The following WDPCP variants were observed in gnomAD, a reference collection of about 807,000 sequenced individuals.
WDPCP encodes the protein WD repeat-containing and planar cell polarity effector protein fritz homolog.
Under a neutral mutation model 93.1 loss-of-function variants are expected in WDPCP, and 71 were observed. The ratio of observed to expected loss-of-function variants is 0.76; its 90% confidence interval spans 0.63 to 0.93. The LOEUF is 0.93. Among genes scored for constraint, WDPCP ranks in the 40% least tolerant of loss-of-function variants. The probability of loss-of-function intolerance (pLI) is 0.00; values close to 1 mark genes in which losing one functional copy is unlikely to be tolerated. For synonymous variants in WDPCP, 315 were observed against 315.0 expected, an observed-to-expected ratio of 1.00 and a Z score of 0.00; for missense variants, 844 against 887.4, an observed-to-expected ratio of 0.95 and a Z score of 0.62.
chr2:63,313,344 T>A, intron 12 of WDPCP, 33 bp from the exon 13 acceptor site: 1 of 1,585,770 alleles, frequency 6.3e-7, no homozygotes, highest in Non-Finnish European at 8.6e-7. Flanking sequence ...ATGTTAGTTG[T>A]GAACAAGAAT....
intron 2 of WDPCP, among the ~76,000 whole-genome samples, chr2:63,694,899 G>A (rs1211282872): frequency 6.6e-6 from 1 of 152,122 alleles, no homozygotes; most frequent in East Asian, 1.9e-4. Flanking sequence ...AGACTGAGAA[G>A]GGTTCAACTT....
intron 3 of WDPCP, among the ~76,000 whole-genome samples, chr2:63,644,803 C>T (rs1426520022): frequency 4.6e-5 from 7 of 152,092 alleles, no homozygotes; most frequent in Non-Finnish European, 8.8e-5. Context: ...CATATAGTTG[C>T]TCATATAGCT....
intron 15 of WDPCP, among the ~76,000 whole-genome samples, chr2:63,156,403 A>G (rs543571919): frequency 3.3e-5 from 5 of 152,188 alleles, no homozygotes; most frequent in Non-Finnish European, 5.9e-5. Flanking sequence ...GTAATTTAAA[A>G]AGCTTTTTTG....
At chr2:63,809,309 A>C (rs1322849158) in intron 2 of WDPCP, among the ~76,000 whole-genome samples, 1 of 136,580 alleles carries the variant, frequency 7.3e-6, no homozygotes, top group Admixed American at 7.2e-5. Flanking sequence ...CCCCCCGCCC[A>C]GCCAGCCGCC....
chr2:63,771,156 A>G (rs1670220300), intron 2 of WDPCP, among the ~76,000 whole-genome samples: 1 of 151,696 alleles, frequency 6.6e-6, no homozygotes, highest in African/African-American at 2.4e-5. Flanking sequence ...ATCAGTGGTG[A>G]TGGTGATCAA....
At chr2:63,497,885 A>C (rs1399386514) in intron 1 of WDPCP, among the ~76,000 whole-genome samples, 1 of 152,134 alleles carries the variant, frequency 6.6e-6, no homozygotes, top group Non-Finnish European at 1.5e-5. Context: ...GCATTTTCAG[A>C]AGGGGGTGCG....
chr2:63,170,012 TCTCCCA>T (rs1324169945), intron 15 of WDPCP, among the ~76,000 whole-genome samples: 7 of 151,204 alleles, frequency 4.6e-5, no homozygotes, highest in Non-Finnish European at 7.4e-5. Context: ...CCTACCTCAG[TCTCCCA>T]AGTAGCTGGG....
At chr2:63,638,529 G>A (rs1199404329) in intron 3 of WDPCP, among the ~76,000 whole-genome samples, 1 of 152,142 alleles carries the variant, frequency 6.6e-6, no homozygotes, top group Non-Finnish European at 1.5e-5. Context: ...GTGACTCTCA[G>A]TTGTAATCCC....
chr2:63,571,992 C>T (rs1707541282), intron 1 of WDPCP, among the ~76,000 whole-genome samples: 1 of 152,088 alleles, frequency 6.6e-6, no homozygotes, highest in Non-Finnish European at 1.5e-5. Flanking sequence ...ACAACAGAAA[C>T]CAACTCCAGT....
At chr2:63,368,131 T>C (rs900119823) in intron 12 of WDPCP, among the ~76,000 whole-genome samples, 17 of 152,140 alleles carry the variant, frequency 1.1e-4, no homozygotes, top group Middle Eastern at 3.4e-3. Flanking sequence ...TACACATGCA[T>C]ATCTGTGGGG....
intron 12 of WDPCP, among the ~76,000 whole-genome samples, chr2:63,368,395 G>T (rs899984256): frequency 6.6e-6 from 1 of 150,940 alleles, no homozygotes; most frequent in African/African-American, 2.4e-5. Context: ...GCACAATATC[G>T]GCTCACTGCA....
intron 12 of WDPCP, among the ~76,000 whole-genome samples, chr2:63,318,639 T>A (rs1040027600): frequency 6.6e-6 from 1 of 152,136 alleles, no homozygotes. Flanking sequence ...TGGTGGCCAC[T>A]ATCCTAAGAG....
At chr2:63,733,153 A>T (rs900628683) in intron 2 of WDPCP, among the ~76,000 whole-genome samples, 1 of 151,626 alleles carries the variant, frequency 6.6e-6, no homozygotes. Context: ...AAAGTGCTTT[A>T]AAAATTACAA....
intron 1 of WDPCP, among the ~76,000 whole-genome samples, chr2:63,522,788 A>G (rs371297244): frequency 1.9e-4 from 29 of 152,320 alleles, no homozygotes; most frequent in African/African-American, 6.7e-4. Context: ...GGAAAGACCA[A>G]TAAGTAGTTT....
chr2:63,714,315 G>C (rs1331923258), intron 2 of WDPCP, among the ~76,000 whole-genome samples: 2 of 151,780 alleles, frequency 1.3e-5, no homozygotes, highest in African/African-American at 4.8e-5. Context: ...TGATCCACCC[G>C]CCTTGTCCTC....
intron 1 of WDPCP, among the ~76,000 whole-genome samples, chr2:63,554,732 C>T (rs1705948827): frequency 6.6e-6 from 1 of 152,114 alleles, no homozygotes; most frequent in Non-Finnish European, 1.5e-5. Flanking sequence ...AAAATTTCAC[C>T]TACTACTGAG....
chr2:63,671,656 T>C (rs1389665117), intron 2 of WDPCP, among the ~76,000 whole-genome samples: 1 of 152,062 alleles, frequency 6.6e-6, no homozygotes, highest in African/African-American at 2.4e-5. Context: ...CAAGTGATTC[T>C]CGTGCTTCAG....
intron 12 of WDPCP, among the ~76,000 whole-genome samples, chr2:63,324,758 T>C (rs1330092507): frequency 1.3e-5 from 2 of 152,094 alleles, no homozygotes; most frequent in Non-Finnish European, 2.9e-5. Flanking sequence ...CCAGTATGGA[T>C]CCCCACTGGG....
intron 10 of WDPCP, among the ~76,000 whole-genome samples, chr2:63,391,622 T>C (rs1291555453): frequency 6.6e-6 from 1 of 152,188 alleles, no homozygotes; most frequent in Non-Finnish European, 1.5e-5. Flanking sequence ...GAGGACATGA[T>C]TGTACATTTA....
Sources: allele counts gnomAD v4.1 joint callset (sites outside exome capture counted in the v4.1 genomes callset), GRCh38; gene constraint gnomAD v4.1.1; transcripts MANE v1.5; gene names NCBI Gene and HGNC (gene_info 2026-07-23, HGNC 2026-07-21).